CCDC7: variants seen among roughly 807,000 people sequenced by gnomAD.
The protein encoded by CCDC7 is coiled-coil domain-containing protein 7.
Under a neutral mutation model 196.9 loss-of-function variants are expected in CCDC7, and 183 were observed. The ratio of observed to expected loss-of-function variants is 0.93; its 90% CI spans 0.82 to 1.05. The LOEUF (loss-of-function observed/expected upper bound fraction) is 1.05, where lower values mean the gene tolerates loss of function less well. Ranked by LOEUF, CCDC7 falls within the 50% of genes least tolerant of loss-of-function variation. The probability of loss-of-function intolerance (pLI) is 0.00; values close to 1 mark genes in which losing one functional copy is unlikely to be tolerated. For missense variants in CCDC7, 1,540 were observed against 1,482.2 expected, an observed-to-expected ratio of 1.04 and a Z score of -0.64; for synonymous variants, 525 against 484.6, an observed-to-expected ratio of 1.08 and a Z score of -1.10.
chr10:32,829,261 C>T (rs2091838604), intron 32 of CCDC7, among the ~76,000 whole-genome samples: 1 of 152,108 alleles, frequency 6.6e-6, no homozygotes, highest in South Asian at 2.1e-4. Flanking sequence ...GGTCACTCCA[C>T]CGGGAAAAAA....
intron 18 of CCDC7, among the ~76,000 whole-genome samples, chr10:32,613,039 A>T (rs2062360792): frequency 6.6e-6 from 1 of 152,106 alleles, no homozygotes; most frequent in Non-Finnish European, 1.5e-5. Context: ...TTCGACTGTG[A>T]AACATGTGGT....
intron 18 of CCDC7, among the ~76,000 whole-genome samples, chr10:32,619,909 C>CTTTT: frequency 1.0e-5 from 1 of 96,030 alleles, no homozygotes; most frequent in East Asian, 4.3e-4. Flanking sequence ...CTTCAATGTA[C>CTTTT]CTTTTTTTTT....
chr10:32,851,835 T>C, exon 40 of CCDC7: 4 of 1,612,750 alleles, frequency 2.5e-6, no homozygotes, highest in Non-Finnish European at 3.4e-6. Context: ...CTTCACCCTA[T>C]GTGACTGCAC....
chr10:32,469,820 ATCT>A (rs2037583327), intron 5 of CCDC7, among the ~76,000 whole-genome samples: 1 of 152,096 alleles, frequency 6.6e-6, no homozygotes, highest in Non-Finnish European at 1.5e-5. Flanking sequence ...TAGGAAGAAA[ATCT>A]TCTTCCTCTT....
chr10:32,735,476 T>C (rs1036119192), intron 28 of CCDC7, among the ~76,000 whole-genome samples: 67 of 152,232 alleles, frequency 4.4e-4, no homozygotes, highest in Non-Finnish European at 7.6e-4. Context: ...ATGACATATA[T>C]GTTGAACATC....
intron 20 of CCDC7, among the ~76,000 whole-genome samples, chr10:32,643,326 T>G (rs1446907750): frequency 2.0e-5 from 3 of 152,192 alleles, no homozygotes; most frequent in Non-Finnish European, 4.4e-5. Flanking sequence ...ACTATGGTGA[T>G]TTTTGTTAGT....
At chr10:32,632,939 T>C (rs1024536238) in intron 18 of CCDC7, among the ~76,000 whole-genome samples, 1 of 152,232 alleles carries the variant, frequency 6.6e-6, no homozygotes, top group African/African-American at 2.4e-5. Context: ...TATGGGTATC[T>C]GTAGACTTCC....
chr10:32,444,328 T>G (rs2133184208), upstream of CCDC7, among the ~76,000 whole-genome samples: 1 of 152,322 alleles, frequency 6.6e-6, no homozygotes. Flanking sequence ...CACTGCAAAA[T>G]TTGATATTAC....
At chr10:32,701,104 T>A (rs1183203076) in intron 24 of CCDC7, among the ~76,000 whole-genome samples, 1 of 152,160 alleles carries the variant, frequency 6.6e-6, no homozygotes, top group Non-Finnish European at 1.5e-5. Flanking sequence ...TGGATAGGAG[T>A]GGTAAGAGAG....
intron 41 of CCDC7, among the ~76,000 whole-genome samples, chr10:32,855,298 T>C (rs1190652570): frequency 2.6e-5 from 4 of 152,018 alleles, no homozygotes; most frequent in Non-Finnish European, 1.5e-5. Context: ...AATTTTTCCA[T>C]GGAATGGTGG....
intron 20 of CCDC7, among the ~76,000 whole-genome samples, chr10:32,661,896 C>T (rs908378035): frequency 6.6e-6 from 1 of 152,078 alleles, no homozygotes; most frequent in Non-Finnish European, 1.5e-5. Flanking sequence ...TCAGTAGATG[C>T]CCCCTAAGTC....
intron 23 of CCDC7, among the ~76,000 whole-genome samples, chr10:32,692,830 A>G (rs1016561914): frequency 6.6e-6 from 1 of 152,200 alleles, no homozygotes; most frequent in Non-Finnish European, 1.5e-5. Flanking sequence ...CAGATGCATC[A>G]GTGTAGACTG....
upstream of CCDC7, among the ~76,000 whole-genome samples, chr10:32,446,945 TC>T (rs2031388094): frequency 3.3e-5 from 3 of 90,062 alleles, no homozygotes; most frequent in Admixed American, 3.7e-4. Flanking sequence ...CCTCTTCCCT[TC>T]CTCCCTCCCT....
At chr10:32,572,610 A>T (rs529281005) in intron 16 of CCDC7, among the ~76,000 whole-genome samples, 1 of 152,306 alleles carries the variant, frequency 6.6e-6, no homozygotes, top group Non-Finnish European at 1.5e-5. Context: ...TGTTTTAAAT[A>T]CTAACTAAAC....
intron 24 of CCDC7, among the ~76,000 whole-genome samples, chr10:32,701,808 G>T (rs2078777477): frequency 6.6e-6 from 1 of 152,092 alleles, no homozygotes; most frequent in Non-Finnish European, 1.5e-5. Context: ...TTTGCATAGA[G>T]GTGTTTATAG....
intron 18 of CCDC7, among the ~76,000 whole-genome samples, chr10:32,623,113 C>T: frequency 6.6e-6 from 1 of 152,056 alleles, no homozygotes; most frequent in East Asian, 1.9e-4. Context: ...TTAACTTTTT[C>T]CTGCCATATA....
chr10:32,778,356 T>G (rs1294987611), intron 28 of CCDC7, among the ~76,000 whole-genome samples: 1 of 152,212 alleles, frequency 6.6e-6, no homozygotes, highest in Non-Finnish European at 1.5e-5. Flanking sequence ...TGACTAAATT[T>G]TTGTATATGA....
At chr10:32,452,198 C>T (rs1343079462) in intron 1 of CCDC7, among the ~76,000 whole-genome samples, 1 of 152,118 alleles carries the variant, frequency 6.6e-6, no homozygotes, top group African/African-American at 2.4e-5. Context: ...AACTCAGTGC[C>T]CTGGGATTTA....
chr10:32,530,662 T>C lies in CCDC7; in HGVS notation c.993+12157T>C, dbSNP rs185512615. 7.9e-3 allele frequency among the ~76,000 whole-genome samples: 1,204 copies of C among 152,302 alleles called. 7 individuals are homozygous for C. Among genetic ancestry groups the C allele is most frequent in the Middle Eastern group, 0.02 (6 of 294 alleles). On this transcript the variant is annotated intron_variant, in intron 11 of 41. Coordinates refer to ENST00000639629, the Ensembl canonical transcript of CCDC7. ...CAGTTCTAACAGTTTTCTTGGGGGT[T>C]GACTCTAGGTTTTTCTAGGTATAAG...
Sources: gnomAD v4.1 joint callset for allele counts (sites outside exome capture counted in the v4.1 genomes callset) on GRCh38, gnomAD v4.1.1 for gene constraint, MANE v1.5 for transcripts, NCBI Gene and HGNC (gene_info 2026-07-23, HGNC 2026-07-21) for gene names.